The following ANGPT2 variants were observed in gnomAD, a reference collection of about 807,000 sequenced individuals.
ANGPT2 encodes the protein angiopoietin 2.
Under a neutral mutation model 62.9 loss-of-function variants are expected in ANGPT2, and 28 were observed. The observed-to-expected ratio is 0.44, with a 90% CI of 0.33 to 0.61. The LOEUF (loss-of-function observed/expected upper bound fraction) is 0.61, where lower values mean the gene tolerates loss of function less well. Ranked by LOEUF, ANGPT2 falls within the 20% of genes least tolerant of loss-of-function variation. ANGPT2 has a pLI of 0.03. For synonymous variants in ANGPT2, 284 were observed against 207.8 expected (o/e 1.37, Z -3.15); for missense variants, 727 against 594.9 (o/e 1.22, Z -2.31).
At position 6,549,687 on chromosome 8, in the gene ANGPT2, A is replaced by T. The variant is rs188412092; in HGVS notation, c.288+12960T>A. ...GCCTGCAGGGGAAGAAGCCTTCCGT[A>T]TCGAGCTGGGCGGTCATTACACAGG... On this transcript the variant is annotated intron_variant, in intron 1 of 8. Transcript: ENST00000629816. Among the ~76,000 whole-genome samples the T allele has an allele frequency of 9.0e-5, 13 of 144,314 alleles. No individual in the cohort carries two copies. In the South Asian group the frequency reaches 2.9e-3, roughly 32 times the overall value. 94.7% of individuals were successfully genotyped at this position (144,314 alleles called of 152,430 possible).
At chr8:6,521,466 A>G (rs1586326706) in intron 3 of ANGPT2, 56 bp from the exon 4 acceptor site, 6 of 1,223,034 alleles carry the variant, frequency 4.9e-6, no homozygotes, top group East Asian at 5.0e-5. Context: ...AATATTTTAT[A>G]TTTATTGAAT....
chr8:6,562,245 G>A (rs1243328582), intron 1 of ANGPT2, among the ~76,000 whole-genome samples: 1 of 152,070 alleles, frequency 6.6e-6, no homozygotes, highest in Non-Finnish European at 1.5e-5. Context: ...GGGCTGCTGC[G>A]GCTCACAGCC....
chr8:6,549,296 A>C (rs765955117), intron 1 of ANGPT2, among the ~76,000 whole-genome samples: 15 of 152,270 alleles, frequency 9.9e-5, no homozygotes, highest in Admixed American at 2.6e-4. Context: ...AGAAACTTTA[A>C]CATGCACAAC....
At chr8:6,537,714 G>A (rs1820764659) in intron 1 of ANGPT2, among the ~76,000 whole-genome samples, 1 of 151,908 alleles carries the variant, frequency 6.6e-6, no homozygotes, top group Non-Finnish European at 1.5e-5. Context: ...AAGTTTATCT[G>A]GCTATCTTCC....
chr8:6,527,676 C>A lies in ANGPT2; in HGVS notation c.445G>T (p.Val149Leu). 6.2e-7 allele frequency: 1 copy of A among 1,602,974 alleles called. No individual in the cohort carries two copies. The highest frequency in any genetic ancestry group is 8.5e-7 in the Non-Finnish European group (1 of 1,176,822). ...TCAAGTCTCGTGGTCTGATTTAATA[C>A]CTAAATGTAACAAAATGAAGTTCCT... is the stretch of plus-strand genomic sequence containing the variant. ...TRKLTDVEAQ[V>L]LNQTTRLELQ... The change falls in exon 3 of 9, where the codon GTA (valine) becomes TTA (leucine). Residue 149 changes from valine to leucine, a missense_variant and splice_region_variant. Transcript: ENST00000629816.
At chr8:6,514,625 G>A (rs1211024704) in intron 6 of ANGPT2, 52 bp downstream of exon 6, 6 of 1,499,732 alleles carry the variant, frequency 4.0e-6, no homozygotes, top group Admixed American at 1.7e-5. Flanking sequence ...GATCTTGAAA[G>A]CTATTTTTCA....
At chr8:6,518,255 GGCCAAGAACAC>G (rs1816673256) in intron 5 of ANGPT2, among the ~76,000 whole-genome samples, 1 of 152,120 alleles carries the variant, frequency 6.6e-6, no homozygotes, top group African/African-American at 2.4e-5. Flanking sequence ...CCTGTCCCCA[GGCCAAGAACAC>G]GCCAACATCT....
intron 1 of ANGPT2, among the ~76,000 whole-genome samples, chr8:6,555,248 G>A (rs559382360): frequency 5.3e-5 from 8 of 152,142 alleles, no homozygotes; most frequent in African/African-American, 1.2e-4. Flanking sequence ...CAATCAAACC[G>A]TTTTCAAACT....
intron 1 of ANGPT2, 81 bp from the exon 2 acceptor site, chr8:6,532,568 T>G: frequency 3.8e-6 from 3 of 794,114 alleles, no homozygotes; most frequent in Non-Finnish European, 5.2e-6. Flanking sequence ...GTCTCCTCCC[T>G]ATCTTTAAAA....
intron 1 of ANGPT2, among the ~76,000 whole-genome samples, chr8:6,540,470 G>C (rs1282227030): frequency 5.3e-5 from 8 of 152,202 alleles, no homozygotes; most frequent in Non-Finnish European, 1.0e-4. Flanking sequence ...TAGAGGTCTT[G>C]TAGGGCACAT....
chr8:6,546,503 C>G (rs1415138274), intron 1 of ANGPT2, among the ~76,000 whole-genome samples: 1 of 151,786 alleles, frequency 6.6e-6, no homozygotes, highest in South Asian at 2.1e-4. Flanking sequence ...TCCATTCATA[C>G]GTCACTGGGG....
chr8:6,501,507 T>C lies in ANGPT2; in HGVS notation c.*1594A>G, dbSNP rs1812171131. ...GTTAAAACTCCAGGAGTTTATGGTT[T>C]TGTAGTCCCGAGTATAAAGCTGTGT... On this transcript the variant is annotated 3_prime_UTR_variant, in exon 9 of 9. Transcript: ENST00000629816. 1 of 152,084 alleles carries C rather than the reference T, an allele frequency of 6.6e-6. No homozygotes were observed. The highest frequency in any genetic ancestry group is 1.5e-5 in the Non-Finnish European group (1 of 67,998). 9.4% of individuals were successfully genotyped at this position (152,084 alleles called of 1,614,324 possible).
intron 1 of ANGPT2, among the ~76,000 whole-genome samples, chr8:6,554,165 C>G (rs1254133778): frequency 6.7e-6 from 1 of 150,072 alleles, no homozygotes; most frequent in African/African-American, 2.5e-5. Flanking sequence ...AGTCTTATCA[C>G]CAGATTAAAC....
intron 1 of ANGPT2, among the ~76,000 whole-genome samples, chr8:6,536,726 G>A (rs891105850): frequency 5.9e-5 from 9 of 152,084 alleles, no homozygotes; most frequent in East Asian, 1.9e-4. Flanking sequence ...AAATCACCAC[G>A]TATCAAGGAT....
intron 8 of ANGPT2, 121 bp downstream of exon 8, chr8:6,508,811 G>A (rs1814323680): frequency 1.5e-6 from 2 of 1,355,102 alleles, no homozygotes; most frequent in African/African-American, 1.4e-5. Flanking sequence ...AAGCTAGTGT[G>A]TCTACGTATG....
chr8:6,528,243 G>C (rs1818759484), intron 2 of ANGPT2, among the ~76,000 whole-genome samples: 1 of 151,938 alleles, frequency 6.6e-6, no homozygotes, highest in Non-Finnish European at 1.5e-5. Flanking sequence ...TGGACAATGG[G>C]GTCTGTGCCA....
intron 2 of ANGPT2, among the ~76,000 whole-genome samples, chr8:6,532,129 C>G (rs907465341): frequency 6.6e-5 from 10 of 152,256 alleles, no homozygotes; most frequent in Middle Eastern, 3.4e-3. Context: ...GAAATTTAAC[C>G]TCAGTATTAA....
intron 8 of ANGPT2, among the ~76,000 whole-genome samples, chr8:6,503,779 T>G (rs1344493127): frequency 6.6e-6 from 1 of 152,104 alleles, no homozygotes; most frequent in Non-Finnish European, 1.5e-5. Flanking sequence ...AAAAGGAAAT[T>G]TAAAGTGAGA....
intron 1 of ANGPT2, among the ~76,000 whole-genome samples, chr8:6,539,010 C>G (rs191449519): frequency 5.5e-5 from 8 of 145,540 alleles, no homozygotes; most frequent in African/African-American, 1.8e-4. Context: ...CTCTCCTCCC[C>G]CTCCTTTTAG....
Sources: gnomAD v4.1 joint callset for allele counts (sites outside exome capture counted in the v4.1 genomes callset) on GRCh38, gnomAD v4.1.1 for gene constraint, MANE v1.5 for transcripts, NCBI Gene and HGNC (gene_info 2026-07-23, HGNC 2026-07-21) for gene names.